KAZN: variants seen among roughly 807,000 people sequenced by gnomAD.
The protein encoded by KAZN is kazrin, periplakin interacting protein.
A neutral mutation model predicts 87.4 loss-of-function variants in KAZN; 40 were observed. The ratio of observed to expected loss-of-function variants is 0.46; its 90% confidence interval spans 0.36 to 0.60. KAZN has a LOEUF of 0.60. Among genes scored for constraint, KAZN ranks in the 20% least tolerant of loss-of-function variants. The pLI is 0.00. For missense variants in KAZN, 898 were observed against 1,073.9 expected (o/e 0.84, Z 2.29); for synonymous variants, 466 against 458.3 (o/e 1.02, Z -0.22).
Position 14,112,098 on chromosome 1 carries a change from A to C in KAZN, c.92-68337A>C, listed in dbSNP as rs191184503. On this transcript the variant is annotated intron_variant, in intron 1 of 16. Coordinates refer to the KAZN transcript ENST00000636203. ...TGAGACTGCCACCCTCCAGGCTTAG[A>C]GGGTCTGCCGCAGCTTTGCCATATC... is the stretch of plus-strand genomic sequence containing the variant. Among the ~76,000 whole-genome samples the C allele has an allele frequency of 6.9e-4, 72 of 103,806 alleles. 6 individuals carry two copies. The highest frequency in any genetic ancestry group is 2.7e-3 in the Admixed American group (29 of 10,932). The allele number at this position is 103,806 out of a possible 152,430, so 68.1% of individuals were successfully genotyped here.
intron 2 of KAZN, among the ~76,000 whole-genome samples, chr1:14,990,121 C>T (rs1330287991): frequency 2.0e-5 from 3 of 152,176 alleles, no homozygotes; most frequent in African/African-American, 7.2e-5. Flanking sequence ...TTCCAAAGTC[C>T]AAGGTTGGGA....
chr1:14,521,508 A>G (rs1173066373), intron 2 of KAZN, among the ~76,000 whole-genome samples: 2 of 152,210 alleles, frequency 1.3e-5, no homozygotes, highest in African/African-American at 2.4e-5. Flanking sequence ...TGTAATGCTG[A>G]GAAATTGAAA....
chr1:14,986,172 A>G lies in KAZN; in HGVS notation c.418+25297A>G, dbSNP rs574637909. On this transcript the variant is annotated intron_variant, in intron 2 of 14. Transcript: ENST00000376030. Reference sequence around the variant, plus strand: ...AAAAGCCATGAAAACCATTAAGGAGATGTTTGGAGAAGCTTGCATATGGAC... The same window carrying G: ...AAAAGCCATGAAAACCATTAAGGAGGTGTTTGGAGAAGCTTGCATATGGAC... 2.0e-5 allele frequency among the ~76,000 whole-genome samples: 3 copies of G among 152,084 alleles called. No individual in the cohort carries two copies. The East Asian group carries it at 5.8e-4, about 29-fold the overall frequency.
At position 15,116,268 on chromosome 1, in the gene KAZN, C is replaced by T. The variant is rs1016523067; in HGVS notation, c.*1633C>T. 5 of 152,242 alleles carry T rather than the reference C, an allele frequency of 3.3e-5. No individual in the cohort carries two copies. Among genetic ancestry groups the T allele is most frequent in the Non-Finnish European group, 4.4e-5 (3 of 68,046 alleles). The allele number at this position is 152,242 out of a possible 1,614,324, so 9.4% of individuals were successfully genotyped here. On this transcript the variant is annotated 3_prime_UTR_variant, in exon 15 of 15. Transcript: ENST00000376030. ...TGTCAGCCTCTGAGAACCCTCAAAG[C>T]GTGTGTTCTTCAACCTGGCAAATTG...
rs1212727472 is a variant in KAZN, at chr1:15,099,581, G to A, written c.1548-1962G>A. Reference sequence around the variant, plus strand: ...AAGAGCTCAGTGCCTCCAGGAAACGGCCCCCAGGACCCCAAGCCCCATGTG... The same window carrying A: ...AAGAGCTCAGTGCCTCCAGGAAACGACCCCCAGGACCCCAAGCCCCATGTG... On this transcript the variant is annotated intron_variant, in intron 10 of 14. Transcript: ENST00000376030. This position sits in a 1 kb window ranked among gnomAD's most constrained non-coding sequence, Gnocchi z 5.4. Among the ~76,000 whole-genome samples the A allele has an allele frequency of 6.6e-6, 1 of 152,108 alleles. No individual in the cohort carries two copies. The highest frequency in any genetic ancestry group is 1.5e-5 in the Non-Finnish European group (1 of 68,014).
rs192006815 is a variant in KAZN at position 14,523,983 on chromosome 1, G to A, written c.250-75000G>A. ...GCGTATATCCACGTGGCTTAAAGGC[G>A]TGTCACTCGTTTTGTTTTGTTTTGT... On this transcript the variant is annotated intron_variant, in intron 2 of 16. Transcript: ENST00000636203. Among the ~76,000 whole-genome samples the A allele has an allele frequency of 4.2e-3, 607 of 143,742 alleles. 3 individuals are homozygous for A. Among genetic ancestry groups the A allele is most frequent in the Middle Eastern group, 7.0e-3 (2 of 284 alleles). The allele number at this position is 143,742 out of a possible 152,430, so 94.3% of individuals were successfully genotyped here. A position where few individuals can be genotyped will look rare whatever the true frequency, so the allele number is the denominator to read the frequency against.
chr1:14,938,189 T>A (rs1401435285), intron 1 of KAZN, among the ~76,000 whole-genome samples: 1 of 152,064 alleles, frequency 6.6e-6, no homozygotes, highest in Admixed American at 6.5e-5. Flanking sequence ...TCTTCATCTG[T>A]AAATTGGGGT....
intron 2 of KAZN, among the ~76,000 whole-genome samples, chr1:14,508,860 C>G (rs572761423): frequency 2.0e-5 from 3 of 152,180 alleles, no homozygotes; most frequent in African/African-American, 7.2e-5. Flanking sequence ...GATCAGAACC[C>G]GATCAGACAG....
chr1:14,883,854 C>A (rs745895349), intron 1 of KAZN, among the ~76,000 whole-genome samples: 1 of 152,178 alleles, frequency 6.6e-6, no homozygotes, highest in Non-Finnish European at 1.5e-5. Flanking sequence ...TCATCAAACA[C>A]CCCTTACGGT....
intron 1 of KAZN, among the ~76,000 whole-genome samples, chr1:13,974,509 G>A (rs1406966707): frequency 6.6e-6 from 1 of 152,166 alleles, no homozygotes; most frequent in Non-Finnish European, 1.5e-5. Context: ...TATCTGGGTG[G>A]GACCTAAATC....
intron 2 of KAZN, among the ~76,000 whole-genome samples, chr1:14,378,503 A>C (rs966348703): frequency 1.1e-4 from 17 of 152,310 alleles, no homozygotes; most frequent in Non-Finnish European, 2.4e-4. Context: ...AAAGAGTCTT[A>C]AACTGTCGAC....
intron 4 of KAZN, among the ~76,000 whole-genome samples, chr1:15,053,846 G>A (rs538387460): frequency 6.6e-6 from 1 of 152,368 alleles, no homozygotes; most frequent in Admixed American, 6.5e-5. Flanking sequence ...GGCGGGGCAA[G>A]GCTGACACCC....
chr1:13,930,622 T>C (rs1045525241), intron 1 of KAZN, among the ~76,000 whole-genome samples: 58 of 152,238 alleles, frequency 3.8e-4, no homozygotes, highest in African/African-American at 1.4e-3. Flanking sequence ...CCCAGTCTTA[T>C]GGGGGAGTTG....
chr1:14,691,600 C>T (rs905848715), intron 1 of KAZN, among the ~76,000 whole-genome samples: 3 of 152,140 alleles, frequency 2.0e-5, no homozygotes, highest in Non-Finnish European at 2.9e-5. Context: ...GATTCTCCTG[C>T]CTCAGCCTCC....
At chr1:14,701,024 T>G (rs1381553770) in intron 1 of KAZN, among the ~76,000 whole-genome samples, 1 of 152,238 alleles carries the variant, frequency 6.6e-6, no homozygotes, top group Non-Finnish European at 1.5e-5. Context: ...AAGATTTCAA[T>G]TAAGCCTGCT....
At chr1:14,180,687 A>G (rs1646178948) in intron 2 of KAZN, 1 of 925,490 alleles carries the variant, frequency 1.1e-6, no homozygotes, top group Non-Finnish European at 1.6e-6. Context: ...TACCACACCT[A>G]TTGAAACCTG....
intron 1 of KAZN, among the ~76,000 whole-genome samples, chr1:14,053,340 T>C (rs1282817708): frequency 6.6e-6 from 1 of 152,194 alleles, no homozygotes; most frequent in Non-Finnish European, 1.5e-5. Flanking sequence ...GACGAGATTG[T>C]AGCCCAGCCA....
intron 2 of KAZN, among the ~76,000 whole-genome samples, chr1:14,519,435 T>C (rs1215242192): frequency 6.6e-6 from 1 of 152,176 alleles, no homozygotes; most frequent in East Asian, 1.9e-4. Context: ...GCAGCATACA[T>C]GTCAGGGACA....
chr1:14,523,991 C>CATTTT (rs1671721257), intron 2 of KAZN, among the ~76,000 whole-genome samples: 1 of 148,914 alleles, frequency 6.7e-6, no homozygotes, highest in Non-Finnish European at 1.5e-5. Context: ...GCGTGTCACT[C>CATTTT]GTTTTGTTTT....
Sources: allele counts gnomAD v4.1 joint callset (sites outside exome capture counted in the v4.1 genomes callset), GRCh38; gene constraint gnomAD v4.1.1; non-coding constraint Gnocchi (gnomAD v3.1); transcripts MANE v1.5; gene names NCBI Gene and HGNC (gene_info 2026-07-23, HGNC 2026-07-21).